Variants in CCT6B observed in about 807,000 individuals in gnomAD.
CCT6B encodes chaperonin containing TCP1 subunit 6B, also known as probable T-complex protein 1 subunit zeta-2.
In CCT6B, 49 loss-of-function variants were observed where a neutral mutation model predicts 61.5. The ratio of observed to expected loss-of-function variants is 0.80; its 90% CI spans 0.63 to 1.01. The LOEUF is 1.01. Ranked by LOEUF, CCT6B falls within the 50% of genes least tolerant of loss-of-function variation. The probability of loss-of-function intolerance (pLI) is 0.00; values close to 1 mark genes in which losing one functional copy is unlikely to be tolerated. For missense variants in CCT6B, 666 were observed against 634.7 expected (o/e 1.05, Z -0.53); for synonymous variants, 228 against 214.5 (o/e 1.06, Z -0.55).
At chr17:34,949,508 G>GCA (rs2090266993) in intron 5 of CCT6B, 1 of 134,622 alleles carries the variant, frequency 7.4e-6, no homozygotes, top group Non-Finnish European at 1.6e-5. Context: ...GAAGAAGGAA[G>GCA]GAGGGAGGGA....
chr17:34,958,431 G>A (rs1380334349), intron 3 of CCT6B, 129 bp downstream of exon 3: 1 of 502,476 alleles, frequency 2.0e-6, no homozygotes, highest in Non-Finnish European at 3.2e-6. Context: ...GCGACACAGT[G>A]AGACTCCATC....
intron 3 of CCT6B, among the ~76,000 whole-genome samples, chr17:34,955,313 T>G (rs2090335816): frequency 6.6e-6 from 1 of 152,090 alleles, no homozygotes; most frequent in African/African-American, 2.4e-5. Flanking sequence ...GAATGCAGAT[T>G]AGATAACAGT....
At chr17:34,944,794 C>A (rs2090205364) in intron 5 of CCT6B, among the ~76,000 whole-genome samples, 1 of 152,236 alleles carries the variant, frequency 6.6e-6, no homozygotes, top group Non-Finnish European at 1.5e-5. Context: ...GGCCTGGTGG[C>A]AGGCACCTGT....
In CCT6B at chr17:34,961,248, CTGT is replaced by C. The variant is rs770291925; in HGVS notation, c.137+6_137+8del. ...AGCCGCGTAATGGCCGCTCCAACCGCTGTCTCACATTTTCATGGTGCCTTTAGG... is the reference window on the plus strand; with the variant it reads ...AGCCGCGTAATGGCCGCTCCAACCGCCTCACATTTTCATGGTGCCTTTAGG... On this transcript the variant is annotated splice_donor_region_variant and intron_variant, in intron 1 of 13. Coordinates refer to ENST00000314144, the MANE Select transcript of CCT6B (RefSeq NM_006584.4). 4 of 1,595,568 alleles carry C rather than the reference CTGT, an allele frequency of 2.5e-6. No homozygotes were observed. The highest frequency in any genetic ancestry group is 3.4e-6 in the Non-Finnish European group (4 of 1,171,082).
Position 34,961,452 on chromosome 17 carries a change from C to T in CCT6B, c.-59G>A. 1.3e-6 allele frequency: 2 copies of T among 1,562,190 alleles called. No homozygotes were observed. The highest frequency in any genetic ancestry group is 2.2e-5 in the East Asian group (1 of 44,446). Reference sequence around the variant, plus strand: ...CCTTAGTCGCGATTCTGAGCAAAAACGGCAATGCGACGCCACGCTCTCTTG... The same window carrying T: ...CCTTAGTCGCGATTCTGAGCAAAAATGGCAATGCGACGCCACGCTCTCTTG... On this transcript the variant is annotated 5_prime_UTR_variant, in exon 1 of 14. Transcript: ENST00000314144.
intron 7 of CCT6B, 110 bp downstream of exon 7, chr17:34,942,374 T>C (rs2090173578): frequency 1.3e-6 from 1 of 768,610 alleles, no homozygotes; most frequent in South Asian, 1.8e-5. Context: ...GTTTTTGACC[T>C]CACAGACTCT....
At chr17:34,941,222 C>A (rs2090160469) in intron 7 of CCT6B, among the ~76,000 whole-genome samples, 1 of 152,182 alleles carries the variant, frequency 6.6e-6, no homozygotes, top group African/African-American at 2.4e-5. Flanking sequence ...ATTGCTGTAA[C>A]TTGCACACTG....
intron 10 of CCT6B, among the ~76,000 whole-genome samples, chr17:34,935,020 A>G (rs1263469593): frequency 6.6e-6 from 1 of 152,244 alleles, no homozygotes; most frequent in Non-Finnish European, 1.5e-5. Flanking sequence ...CACGTTTCCA[A>G]TAATAGACAA....
intron 10 of CCT6B, among the ~76,000 whole-genome samples, chr17:34,934,050 G>A (rs1163577156): frequency 6.6e-6 from 1 of 150,974 alleles, no homozygotes; most frequent in Non-Finnish European, 1.5e-5. Flanking sequence ...GACTGCCTGA[G>A]CCTGGGAAGT....
chr17:34,930,509 T>G (rs939370194), intron 12 of CCT6B, among the ~76,000 whole-genome samples: 3 of 152,096 alleles, frequency 2.0e-5, no homozygotes, highest in Non-Finnish European at 4.4e-5. Context: ...TTCCTTCCAC[T>G]TTTTTTCAAC....
At position 34,942,575 on chromosome 17, in the gene CCT6B, T is replaced by C; in HGVS notation, c.794A>G (p.Lys265Arg). The change falls in exon 7 of 14, where the codon AAA (lysine) becomes AGA (arginine). Residue 265 changes from lysine (K) to arginine (R), a missense_variant. Physicochemically the swap from Lys to Arg is conservative, Grantham distance 26. Transcript: ENST00000314144. ...TTTTTGTACTCTATCTTCAATAAATTTTCTTTCAGCTTTTACCAATTTCTC... is the reference window on the plus strand; with the variant it reads ...TTTTTGTACTCTATCTTCAATAAATCTTCTTTCAGCTTTTACCAATTTCTC... ...EKEKLVKAER[K>R]FIEDRVQKII... The C allele has an allele frequency of 6.2e-7, 1 of 1,608,670 alleles. No individual in the cohort carries two copies. The highest frequency in any genetic ancestry group is 1.1e-5 in the South Asian group (1 of 90,188).
chr17:34,954,586 C>T lies in CCT6B; in HGVS notation c.350G>A (p.Arg117Lys), dbSNP rs1274313264. The T allele has an allele frequency of 6.2e-7, 1 of 1,612,960 alleles. No individual in the cohort carries two copies. The highest frequency in any genetic ancestry group is 8.5e-7 in the Non-Finnish European group (1 of 1,179,450). The change falls in exon 4 of 14, where the codon AGA (arginine) becomes AAA (lysine). Residue 117 changes from arginine to lysine, a missense_variant. By Grantham distance (26) the Arg-to-Lys change is conservative. Coordinates refer to ENST00000314144, the MANE Select transcript of CCT6B (RefSeq NM_006584.4). Reference sequence around the variant, plus strand: ...AGCTTCAAATCCTTCAGCTATTATTCTAGGGTGCAGGCCCTGTTACATCAA... The same window carrying T: ...AGCTTCAAATCCTTCAGCTATTATTTTAGGGTGCAGGCCCTGTTACATCAA... ...DLYISEGLHP[R>K]IIAEGFEAAK...
In CCT6B at chr17:34,932,504, T is replaced by C. The variant is rs371310249; in HGVS notation, c.1214-4A>G. On this transcript the variant is annotated splice_region_variant and splice_polypyrimidine_tract_variant and intron_variant, in intron 10 of 13. Transcript: ENST00000314144. ...CCAGCTCCAGGAACCATACAACCTA[T>C]TGGAGAGAAAAAATATGATTGGCAA... 18 of 1,587,236 alleles carry C rather than the reference T, an allele frequency of 1.1e-5. No homozygotes were observed. Among genetic ancestry groups the C allele is most frequent in the Middle Eastern group, 1.7e-4 (1 of 5,952 alleles).
At chr17:34,953,341 A>ATATATATATATT (rs1555550678) in intron 4 of CCT6B, among the ~76,000 whole-genome samples, 30 of 139,828 alleles carry the variant, frequency 2.1e-4, no homozygotes, top group Non-Finnish European at 4.0e-4. Context: ...ATATATATAT[A>ATATATATATATT]TTTTTTTGAG....
At chr17:34,938,759 T>G (rs1001776918) in intron 10 of CCT6B, among the ~76,000 whole-genome samples, 4 of 151,660 alleles carry the variant, frequency 2.6e-5, no homozygotes, top group Non-Finnish European at 5.9e-5. Context: ...ATAAATAGAT[T>G]AAATAGATTA....
rs373980442 is a variant in CCT6B at position 34,928,985 on chromosome 17, T to C, written c.1500A>G (p.Val500=). Reference sequence around the variant, plus strand: ...ACCAAGAGTGAAGAAGTTGTTTTTTTACACAATAATTATCCCAAACTCCTG... The same window carrying C: ...ACCAAGAGTGAAGAAGTTGTTTTTTCACACAATAATTATCCCAAACTCCTG... ...ADAGVWDNYC[V]KKQLLHSCTV... Residue 500 remains valine (V), a synonymous_variant, in exon 13 of 14, where the codon GTA becomes GTG. Transcript: ENST00000314144. 11 of 1,607,064 alleles carry C rather than the reference T, an allele frequency of 6.8e-6. No homozygotes were observed. The highest frequency in any genetic ancestry group is 2.2e-5 in the East Asian group (1 of 44,766).
intron 2 of CCT6B, among the ~76,000 whole-genome samples, chr17:34,959,291 AT>A (rs1160595019): frequency 0.017 from 2,209 of 129,462 alleles, 48 homozygotes; most frequent in African/African-American, 0.056. Context: ...ACTGAGCAAA[AT>A]TTTTTTTTTT....
At chr17:34,935,864 A>AG (rs2090087490) in intron 10 of CCT6B, among the ~76,000 whole-genome samples, 1 of 151,932 alleles carries the variant, frequency 6.6e-6, no homozygotes, top group Non-Finnish European at 1.5e-5. Flanking sequence ...CTCAAAAGAA[A>AG]AAAAAAAAAA....
At chr17:34,961,172 G>C in intron 1 of CCT6B, 85 bp downstream of exon 1, 2 of 1,474,822 alleles carry the variant, frequency 1.4e-6, no homozygotes, top group Non-Finnish European at 1.8e-6. Context: ...AACATCCACA[G>C]CGCTACGCGG....
Sources: allele counts gnomAD v4.1 joint callset (sites outside exome capture counted in the v4.1 genomes callset), GRCh38; gene constraint gnomAD v4.1.1; transcripts MANE v1.5; gene names NCBI Gene and HGNC (gene_info 2026-07-23, HGNC 2026-07-21).